Variants in SLC4A8 observed in about 807,000 individuals in gnomAD.
SLC4A8 encodes electroneutral sodium bicarbonate exchanger 1.
Under a neutral mutation model 125.0 loss-of-function variants are expected in SLC4A8, and 40 were observed. The observed-to-expected ratio is 0.32, with a 90% CI of 0.25 to 0.42. SLC4A8 has a LOEUF of 0.42. SLC4A8 is among the 10% of genes least tolerant of loss of function. The pLI, the probability that SLC4A8 is intolerant of heterozygous loss-of-function variation, is 1.00. For missense variants in SLC4A8, 863 were observed against 1,355.1 expected (o/e 0.64, Z 5.70); for synonymous variants, 456 against 476.0 (o/e 0.96, Z 0.55).
chr12:51,456,599 A>G (rs1401186828), intron 5 of SLC4A8, among the ~76,000 whole-genome samples: 1 of 152,198 alleles, frequency 6.6e-6, no homozygotes, highest in African/African-American at 2.4e-5. Context: ...TATGAGCTCC[A>G]TGTTACAGAT....
Position 51,504,040 on chromosome 12 carries a change from A to G in SLC4A8, c.3093A>G (p.Lys1031=), listed in dbSNP as rs1316510586. The G allele has an allele frequency of 3.2e-6, 5 of 1,576,280 alleles. No individual in the cohort carries two copies. Among genetic ancestry groups the G allele is most frequent in the Non-Finnish European group, 4.3e-6 (5 of 1,157,514 alleles). Residue 1031 remains lysine (K), a synonymous_variant, in exon 23 of 25, where the codon AAA becomes AAG. Coordinates refer to ENST00000453097, the MANE Select transcript of SLC4A8 (RefSeq NM_001039960.3). ...KKAKEEEEAE[K]MLEIGGDKFP... ...TCTTTTTCTTCCAGGAGGCTGAGAA[A>G]ATGTTAGAAATTGGGGGAGACAAGT...
At chr12:51,447,230 ACAC>A (rs1949802750) in intron 2 of SLC4A8, among the ~76,000 whole-genome samples, 1 of 151,204 alleles carries the variant, frequency 6.6e-6, no homozygotes, top group African/African-American at 2.4e-5. Context: ...CTATAGGTGC[ACAC>A]CACCACACCT....
rs771214635 is a variant in SLC4A8 at position 51,470,348 on chromosome 12, T to A, written c.1525-44T>A. The stretch of plus-strand genomic sequence containing the variant: ...ATGTAGCTAAGCCAACATTACTCTG[T>A]ACTGATGGGCTATGGACTCAGTGAT... On this transcript the variant is annotated intron_variant, in intron 12 of 24. Transcript: ENST00000453097. 4 of 1,600,942 alleles carry A rather than the reference T, an allele frequency of 2.5e-6. No homozygotes were observed. In the African/African-American group the frequency reaches 5.4e-5, roughly 21 times the overall value.
At chr12:51,398,844 G>T (rs1948317286) in intron 1 of SLC4A8, among the ~76,000 whole-genome samples, 1 of 152,150 alleles carries the variant, frequency 6.6e-6, no homozygotes. Context: ...CTGCCTCCCG[G>T]GTTCAAGCGA....
At chr12:51,400,775 TATACATAC>T (rs1230484990) in intron 1 of SLC4A8, among the ~76,000 whole-genome samples, 109 of 5,200 alleles carry the variant, frequency 0.021, 13 homozygotes, top group East Asian at 0.037. Flanking sequence ...TATATATATA[TATACATAC>T]ATACACACAC....
intron 1 of SLC4A8, among the ~76,000 whole-genome samples, chr12:51,401,408 A>G (rs937086244): frequency 6.6e-6 from 1 of 152,144 alleles, no homozygotes; most frequent in Non-Finnish European, 1.5e-5. Context: ...ATGGAGTGGA[A>G]AGGTGGTTTT....
At chr12:51,402,267 C>A (rs1189225550) in intron 1 of SLC4A8, among the ~76,000 whole-genome samples, 1 of 152,134 alleles carries the variant, frequency 6.6e-6, no homozygotes, top group East Asian at 1.9e-4. Context: ...TGAAGGGAAA[C>A]CATTCCAGGT....
At chr12:51,436,957 T>C (rs1592180321) in intron 1 of SLC4A8, among the ~76,000 whole-genome samples, 1 of 152,228 alleles carries the variant, frequency 6.6e-6, no homozygotes. Flanking sequence ...CAAACACTTA[T>C]GTTCCAACAC....
chr12:51,513,938 C>T lies in SLC4A8; in HGVS notation c.*6500C>T, dbSNP rs1183356836. The stretch of plus-strand genomic sequence containing the variant: ...AGTCCTACTTTATTTTCTACCCACT[C>T]AACTCTCCAGACTTCCCTCTTAGTA... On this transcript the variant is annotated 3_prime_UTR_variant, in exon 25 of 25. Coordinates refer to ENST00000453097, the MANE Select transcript of SLC4A8 (RefSeq NM_001039960.3). 1 of 152,176 alleles carries T rather than the reference C, an allele frequency of 6.6e-6. No individual in the cohort carries two copies. Among genetic ancestry groups the T allele is most frequent in the East Asian group, 1.9e-4 (1 of 5,198 alleles). 9.4% of individuals were successfully genotyped at this position (152,176 alleles called of 1,614,324 possible). A position where few individuals can be genotyped will look rare whatever the true frequency, so the allele number is the denominator to read the frequency against.
intron 1 of SLC4A8, chr12:51,391,722 G>C (rs1440201302): frequency 2.0e-5 from 3 of 152,186 alleles, no homozygotes; most frequent in African/African-American, 4.8e-5. Flanking sequence ...CGCCCGCCCC[G>C]CCCCTCCCTG....
At chr12:51,477,352 A>G (rs1224738789) in intron 16 of SLC4A8, among the ~76,000 whole-genome samples, 1 of 152,246 alleles carries the variant, frequency 6.6e-6, no homozygotes, top group African/African-American at 2.4e-5. Flanking sequence ...AACGGTTGGT[A>G]TTAAGCAAGT....
chr12:51,496,918 G>C, intron 21 of SLC4A8, 69 bp from the exon 22 acceptor site: 1 of 1,507,042 alleles, frequency 6.6e-7, no homozygotes, highest in Non-Finnish European at 9.1e-7. Context: ...GTGAAAATAA[G>C]GCTTTGCTTT....
intron 1 of SLC4A8, among the ~76,000 whole-genome samples, chr12:51,419,436 G>T (rs1241311057): frequency 1.3e-5 from 2 of 152,186 alleles, no homozygotes; most frequent in Non-Finnish European, 1.5e-5. Context: ...ACTTTAAATA[G>T]ACCTGATTTA....
intron 16 of SLC4A8, among the ~76,000 whole-genome samples, chr12:51,485,084 G>A (rs1473878210): frequency 6.6e-6 from 1 of 152,076 alleles, no homozygotes; most frequent in Non-Finnish European, 1.5e-5. Context: ...AAGCAGGAGA[G>A]CAATAAGAGC....
intron 2 of SLC4A8, among the ~76,000 whole-genome samples, chr12:51,444,690 T>C (rs1949717548): frequency 6.6e-6 from 1 of 152,234 alleles, no homozygotes; most frequent in Admixed American, 6.5e-5. Flanking sequence ...GTGTCTTTTC[T>C]GAAGAATAAC....
intron 10 of SLC4A8, 199 bp downstream of exon 10, chr12:51,462,655 C>T (rs894090372): frequency 4.1e-5 from 15 of 362,976 alleles, no homozygotes; most frequent in East Asian, 1.3e-4. Context: ...CACTTTGGGA[C>T]GCCGAGGCAG....
chr12:51,440,928 C>T (rs1249912580), intron 2 of SLC4A8, 139 bp downstream of exon 2: 2 of 940,098 alleles, frequency 2.1e-6, no homozygotes, highest in South Asian at 4.6e-5. Flanking sequence ...GCCTCACTTT[C>T]CTCATCTGGT....
intron 1 of SLC4A8, among the ~76,000 whole-genome samples, chr12:51,393,345 T>G: frequency 6.6e-6 from 1 of 152,070 alleles, no homozygotes; most frequent in East Asian, 1.9e-4. Flanking sequence ...TCCTGTTGCC[T>G]CGGCCTCGCA....
chr12:51,505,562 C>T (rs979079769), intron 23 of SLC4A8, among the ~76,000 whole-genome samples: 3 of 152,212 alleles, frequency 2.0e-5, no homozygotes, highest in South Asian at 2.1e-4. Context: ...TGAGGCCCTT[C>T]GGAGGAGTGC....
Sources: gnomAD v4.1 joint callset for allele counts (sites outside exome capture counted in the v4.1 genomes callset) on GRCh38, gnomAD v4.1.1 for gene constraint, MANE v1.5 for transcripts, NCBI Gene and HGNC (gene_info 2026-07-23, HGNC 2026-07-21) for gene names.